The following ETV6 variants were observed in gnomAD, a reference collection of about 807,000 sequenced individuals.
The protein encoded by ETV6 is ETS variant transcription factor 6, also known as transcription factor ETV6.
Under a neutral mutation model 51.1 loss-of-function variants are expected in ETV6, and 16 were observed. The observed-to-expected ratio is 0.31, with a 90% CI of 0.21 to 0.48. The LOEUF (loss-of-function observed/expected upper bound fraction) is 0.48, where lower values mean the gene tolerates loss of function less well. ETV6 is among the 20% of genes least tolerant of loss of function. The pLI, the probability that ETV6 is intolerant of heterozygous loss-of-function variation, is 0.99. For synonymous variants in ETV6, 240 were observed against 224.1 expected (o/e 1.07, Z -0.64); for missense variants, 458 against 594.8 (o/e 0.77, Z 2.39).
intron 2 of ETV6, among the ~76,000 whole-genome samples, chr12:11,827,088 A>T (rs1388496618): frequency 2.7e-5 from 4 of 150,708 alleles, no homozygotes; most frequent in Middle Eastern, 3.4e-3. Flanking sequence ...ACACACACAC[A>T]CACACACACA....
chr12:11,698,779 A>G (rs980778809), intron 1 of ETV6, among the ~76,000 whole-genome samples: 11 of 152,242 alleles, frequency 7.2e-5, no homozygotes, highest in Non-Finnish European at 1.0e-4. Flanking sequence ...ATATAAATTG[A>G]TGAATAACAA....
intron 5 of ETV6, among the ~76,000 whole-genome samples, chr12:11,873,837 G>A (rs1309900832): frequency 9.0e-6 from 1 of 111,718 alleles, no homozygotes; most frequent in Non-Finnish European, 1.8e-5. Flanking sequence ...TCTTAGAAGG[G>A]CTCCTGTTAA....
rs1863905533 is a variant in ETV6, at chr12:11,651,433, A to C, written c.33+1273A>C. Among the ~76,000 whole-genome samples, 2 of 152,204 alleles carry C rather than the reference A, an allele frequency of 1.3e-5. 1 individual carries two copies. The highest frequency in any genetic ancestry group is 1.3e-4 in the Admixed American group (2 of 15,284). On this transcript the variant is annotated intron_variant, in intron 1 of 7. Coordinates refer to ENST00000396373, the MANE Select transcript of ETV6 (RefSeq NM_001987.5). ...TCACATTTTGGTGTTTCTTATCAGA[A>C]AAGATATTCATGGGTTTGAGGATAG...
chr12:11,725,386 T>G (rs1865469590), intron 1 of ETV6, among the ~76,000 whole-genome samples: 2 of 152,212 alleles, frequency 1.3e-5, no homozygotes, highest in African/African-American at 4.8e-5. Flanking sequence ...TTTGACCTAT[T>G]TTGTAACAGA....
chr12:11,737,657 T>G (rs1865729812), intron 1 of ETV6, among the ~76,000 whole-genome samples: 1 of 152,226 alleles, frequency 6.6e-6, no homozygotes, highest in South Asian at 2.1e-4. Flanking sequence ...AGGCACTTGA[T>G]GGAAGAAGTG....
At chr12:11,776,924 C>T (rs1945334323) in intron 2 of ETV6, among the ~76,000 whole-genome samples, 1 of 152,178 alleles carries the variant, frequency 6.6e-6, no homozygotes, top group African/African-American at 2.4e-5. Flanking sequence ...TTATGTGGGA[C>T]TATTATGCAC....
chr12:11,659,910 T>C (rs954423539), intron 1 of ETV6, among the ~76,000 whole-genome samples: 2 of 152,072 alleles, frequency 1.3e-5, no homozygotes, highest in Non-Finnish European at 2.9e-5. Context: ...GGGTCTCTAA[T>C]GAAGAATCAA....
chr12:11,872,567 C>T (rs1284923406), intron 5 of ETV6, among the ~76,000 whole-genome samples: 1 of 150,236 alleles, frequency 6.7e-6, no homozygotes, highest in East Asian at 1.9e-4. Flanking sequence ...AATCTCGGCT[C>T]ATTGCAACCT....
rs574527705 is a variant in ETV6 at position 11,778,164 on chromosome 12, A to G, written c.163+25585A>G. On this transcript the variant is annotated intron_variant, in intron 2 of 7. Coordinates refer to ENST00000396373, the MANE Select transcript of ETV6 (RefSeq NM_001987.5). ...AGGGTCGCAGTTTCCTCATCCCTAA[A>G]AAGGGGAATCACGATGCTTATCTCA... 1.3e-3 allele frequency among the ~76,000 whole-genome samples: 191 copies of G among 152,324 alleles called. 6 individuals are homozygous for G. Among genetic ancestry groups the G allele is most frequent in the Middle Eastern group, 3.4e-3 (1 of 294 alleles).
At chr12:11,703,174 A>C (rs1186534792) in intron 1 of ETV6, among the ~76,000 whole-genome samples, 1 of 152,220 alleles carries the variant, frequency 6.6e-6, no homozygotes, top group Non-Finnish European at 1.5e-5. Flanking sequence ...TGAAAATACT[A>C]CTTGCTACAG....
chr12:11,749,362 A>G (rs1865978177), intron 1 of ETV6, among the ~76,000 whole-genome samples: 1 of 143,822 alleles, frequency 7.0e-6, no homozygotes, highest in Admixed American at 7.1e-5. Flanking sequence ...CCTACTCCCC[A>G]TAATGTTAAA....
chr12:11,800,598 A>C (rs1333405938), intron 2 of ETV6, among the ~76,000 whole-genome samples: 1 of 152,126 alleles, frequency 6.6e-6, no homozygotes. Context: ...TTCAACTTTT[A>C]GATTCCACAT....
At position 11,853,575 on chromosome 12, in the gene ETV6, T is replaced by A. The variant is rs750467192; in HGVS notation, c.463+14T>A. On this transcript the variant is annotated intron_variant, in intron 4 of 7. Transcript: ENST00000396373. ...ACCATGAAGAAGGTACTGGAAGAGG[T>A]TTCTCTTTTCTTGCCTGAGGTTTAG... 6.2e-7 allele frequency: 1 copy of A among 1,613,510 alleles called. No homozygotes were observed. Among genetic ancestry groups the A allele is most frequent in the Non-Finnish European group, 8.5e-7 (1 of 1,179,738 alleles).
At chr12:11,677,225 G>C (rs1014382410) in intron 1 of ETV6, among the ~76,000 whole-genome samples, 4 of 152,166 alleles carry the variant, frequency 2.6e-5, no homozygotes, top group Non-Finnish European at 5.9e-5. Flanking sequence ...TGAGAAAGAA[G>C]AACAAGATAG....
chr12:11,663,188 A>G (rs1276731668), intron 1 of ETV6, among the ~76,000 whole-genome samples: 5 of 152,232 alleles, frequency 3.3e-5, no homozygotes, highest in Non-Finnish European at 7.3e-5. Context: ...CGATTTCTGC[A>G]TATTCCAACA....
intron 4 of ETV6, among the ~76,000 whole-genome samples, chr12:11,854,807 G>T (rs1457451025): frequency 6.6e-6 from 1 of 152,150 alleles, no homozygotes; most frequent in Non-Finnish European, 1.5e-5. Flanking sequence ...CCAAATCTAT[G>T]AACTCAGTGT....
intron 1 of ETV6, among the ~76,000 whole-genome samples, chr12:11,703,431 G>A (rs572555339): frequency 6.6e-6 from 1 of 151,754 alleles, no homozygotes; most frequent in South Asian, 2.1e-4. Flanking sequence ...AAAGGTTAGA[G>A]AAATTTGGGG....
chr12:11,703,302 A>G lies in ETV6; in HGVS notation c.34-49148A>G, dbSNP rs73288733. Among the ~76,000 whole-genome samples the G allele has an allele frequency of 9.1e-3, 1,365 of 150,732 alleles. 19 individuals are homozygous for G. Among genetic ancestry groups the G allele is most frequent in the African/African-American group, 0.03 (1,243 of 41,492 alleles). On this transcript the variant is annotated intron_variant, in intron 1 of 7. Transcript: ENST00000396373. ...AAAATCATCTTTTGTTAACCTTTGC[A>G]TTAGTCAGTCCTTATTTTTTCGTTT...
At chr12:11,802,133 A>T (rs1217948601) in intron 2 of ETV6, among the ~76,000 whole-genome samples, 2 of 152,206 alleles carry the variant, frequency 1.3e-5, no homozygotes, top group African/African-American at 4.8e-5. Flanking sequence ...TGATAACCTG[A>T]ACCACTTAAA....
Sources: allele counts gnomAD v4.1 joint callset (sites outside exome capture counted in the v4.1 genomes callset), GRCh38; gene constraint gnomAD v4.1.1; transcripts MANE v1.5; gene names NCBI Gene and HGNC (gene_info 2026-07-23, HGNC 2026-07-21).